CCDC30: variants seen among roughly 807,000 people sequenced by gnomAD.
CCDC30 encodes the protein coiled-coil domain containing 30.
Under a neutral mutation model 100.2 loss-of-function variants are expected in CCDC30, and 70 were observed. The ratio of observed to expected loss-of-function variants is 0.70; its 90% confidence interval spans 0.58 to 0.85. The LOEUF (loss-of-function observed/expected upper bound fraction) is 0.85, where lower values mean the gene tolerates loss of function less well. Ranked by LOEUF, CCDC30 falls within the 40% of genes least tolerant of loss-of-function variation. CCDC30 has a pLI of 0.00. For synonymous variants in CCDC30, 233 were observed against 269.5 expected, an observed-to-expected ratio of 0.86 and a Z score of 1.33; for missense variants, 652 against 771.2, an observed-to-expected ratio of 0.85 and a Z score of 1.83.
chr1:42,611,062 T>C, exon 11 of CCDC30: 1 of 1,607,904 alleles, frequency 6.2e-7, no homozygotes, highest in Non-Finnish European at 8.5e-7. Flanking sequence ...ATATTTGCGA[T>C]TATTGAAGCT....
upstream of CCDC30, among the ~76,000 whole-genome samples, chr1:42,458,309 A>G (rs746944072): frequency 1.3e-5 from 2 of 152,214 alleles, no homozygotes; most frequent in Non-Finnish European, 2.9e-5. Flanking sequence ...TTGTAGGTTA[A>G]GGAAGAAATA....
chr1:42,463,573 C>G (rs1241307002), exon 1 of CCDC30: 1 of 152,378 alleles, frequency 6.6e-6, no homozygotes, highest in Non-Finnish European at 1.5e-5. Context: ...AGAATTCGCC[C>G]GTTTTCCCCG....
At chr1:42,550,279 C>T (rs1337120712) in intron 6 of CCDC30, among the ~76,000 whole-genome samples, 3 of 152,188 alleles carry the variant, frequency 2.0e-5, no homozygotes, top group Admixed American at 6.6e-5. Context: ...AGGACTGTTA[C>T]ATATCTTCCT....
In CCDC30 at chr1:42,546,402, ATATATATATAT is replaced by A. The variant is rs1645140714; in HGVS notation, c.457-19893_457-19883del. 2.3e-4 allele frequency among the ~76,000 whole-genome samples: 6 copies of A among 25,772 alleles called. 1 individual carries two copies. Among genetic ancestry groups the A allele is most frequent in the Admixed American group, 5.4e-4 (1 of 1,848 alleles). 16.9% of individuals were successfully genotyped at this position (25,772 alleles called of 152,430 possible). ...TTCTGTCTCAAAAAAAAAAAAAAATATATATATATATATATATATATATATATATATATATA... is the reference window on the plus strand; with the variant it reads ...TTCTGTCTCAAAAAAAAAAAAAAATAATATATATATATATATATATATATA... On this transcript the variant is annotated intron_variant, in intron 6 of 16. Coordinates refer to ENST00000668663, the Ensembl canonical transcript of CCDC30.
rs554517373 is a variant in CCDC30 at position 42,531,042 on chromosome 1, A to G, written c.456+32126A>G. Among the ~76,000 whole-genome samples the G allele has an allele frequency of 1.4e-4, 22 of 152,294 alleles. No individual in the cohort carries two copies. In the East Asian group the frequency reaches 4.1e-3, roughly 28 times the overall value. ...CACCCAAATTTCATGTTGAATTGTA[A>G]TATTAAATAAAAACCCCAATGTTGG... is the stretch of plus-strand genomic sequence containing the variant. On this transcript the variant is annotated intron_variant, in intron 6 of 16. Coordinates refer to ENST00000668663, the Ensembl canonical transcript of CCDC30.
chr1:42,542,539 CTTTTTTTT>C lies in CCDC30; in HGVS notation c.457-23742_457-23735del, dbSNP rs58751072. 7.9e-5 allele frequency among the ~76,000 whole-genome samples: 6 copies of C among 75,562 alleles called. 1 individual carries two copies. The highest frequency in any genetic ancestry group is 1.7e-4 in the Admixed American group (1 of 5,844). The allele number at this position is 75,562 out of a possible 152,430, so 49.6% of individuals were successfully genotyped here. On this transcript the variant is annotated intron_variant, in intron 6 of 16. Transcript: ENST00000668663. ...CACACCTGGCTAATTTTAAATTTTT[CTTTTTTTT>C]TTTTTTTTTTTTTTGAGACGGAGTC...
At chr1:42,579,675 G>T (rs897176813) in intron 8 of CCDC30, among the ~76,000 whole-genome samples, 2 of 150,764 alleles carry the variant, frequency 1.3e-5, no homozygotes, top group East Asian at 4.0e-4. Flanking sequence ...AAGCAAGGAA[G>T]AAAGGAAGGA....
intron 6 of CCDC30, among the ~76,000 whole-genome samples, chr1:42,543,576 TTA>T (rs1645061335): frequency 6.6e-6 from 1 of 152,190 alleles, no homozygotes; most frequent in African/African-American, 2.4e-5. Context: ...CTGCAGCTCC[TTA>T]CTTTGTAGCC....
intron 1 of CCDC30, chr1:42,464,239 T>C (rs1340796463): frequency 6.6e-6 from 1 of 152,232 alleles, no homozygotes; most frequent in Non-Finnish European, 1.5e-5. Flanking sequence ...CATTAAATAC[T>C]GTAGGTCTAG....
At chr1:42,459,994 A>C (rs762935673), upstream of CCDC30, 39 of 1,507,178 alleles carry the variant, frequency 2.6e-5, no homozygotes, top group African/African-American at 4.6e-4. Context: ...TACAAAAAAA[A>C]CCATGGCTTT....
intron 6 of CCDC30, among the ~76,000 whole-genome samples, chr1:42,533,004 G>T (rs956493212): frequency 1.3e-5 from 2 of 152,136 alleles, no homozygotes; most frequent in Admixed American, 1.3e-4. Flanking sequence ...TGATCCACCC[G>T]CCTCGGCCTC....
intron 7 of CCDC30, among the ~76,000 whole-genome samples, chr1:42,575,782 A>C (rs904004744): frequency 1.3e-5 from 2 of 152,198 alleles, no homozygotes; most frequent in African/African-American, 4.8e-5. Flanking sequence ...TGAAGGAAAC[A>C]AATGTGGTAC....
chr1:42,498,586 T>G (rs1043850855), intron 5 of CCDC30, among the ~76,000 whole-genome samples: 1 of 152,200 alleles, frequency 6.6e-6, no homozygotes, highest in Admixed American at 6.5e-5. Context: ...TTAATACATG[T>G]GTGTATACGT....
chr1:42,505,304 C>T (rs1042314035), intron 6 of CCDC30, among the ~76,000 whole-genome samples: 4 of 152,114 alleles, frequency 2.6e-5, no homozygotes, highest in African/African-American at 9.7e-5. Flanking sequence ...CAATTATTTG[C>T]AGGATAATTG....
chr1:42,558,007 C>T (rs1399938165), intron 6 of CCDC30: 1 of 170,232 alleles, frequency 5.9e-6, no homozygotes, highest in Admixed American at 6.2e-5. Flanking sequence ...AGTGTTTATG[C>T]TCTGCAGTAA....
At chr1:42,545,158 C>A (rs1473058447) in intron 6 of CCDC30, among the ~76,000 whole-genome samples, 4 of 36,786 alleles carry the variant, frequency 1.1e-4, no homozygotes, top group Non-Finnish European at 1.2e-4. Flanking sequence ...TCCAAAAATA[C>A]CTTTAAAAAA....
chr1:42,472,834 A>T (rs747466126), intron 1 of CCDC30, among the ~76,000 whole-genome samples: 60 of 152,310 alleles, frequency 3.9e-4, no homozygotes, highest in Non-Finnish European at 7.2e-4. Context: ...AGTCATATAT[A>T]CATAGACTTC....
intron 9 of CCDC30, among the ~76,000 whole-genome samples, chr1:42,583,433 A>T (rs1268879451): frequency 6.6e-6 from 1 of 152,230 alleles, no homozygotes; most frequent in Admixed American, 6.5e-5. Context: ...CCTATAGTGT[A>T]TATTGTTTCA....
chr1:42,618,253 T>TTTTTTA (rs1646762865), intron 11 of CCDC30, among the ~76,000 whole-genome samples: 2 of 146,792 alleles, frequency 1.4e-5, no homozygotes, highest in African/African-American at 5.2e-5. Flanking sequence ...TTTTTTTTTT[T>TTTTTTA]GAGATGGAGT....
Sources: allele counts gnomAD v4.1 joint callset (sites outside exome capture counted in the v4.1 genomes callset), GRCh38; gene constraint gnomAD v4.1.1; transcripts MANE v1.5; gene names NCBI Gene and HGNC (gene_info 2026-07-23, HGNC 2026-07-21).